The following INTS8 variants were observed in gnomAD, a reference collection of about 807,000 sequenced individuals.
The protein encoded by INTS8 is integrator complex subunit 8.
INTS8 carries 47 observed loss-of-function variants against 138.9 expected under a neutral mutation model. That is an observed-to-expected ratio of 0.34 (90% CI 0.27 to 0.43). INTS8 has a LOEUF of 0.43. Among genes scored for constraint, INTS8 ranks in the 20% least tolerant of loss-of-function variants. The pLI is 1.00. For missense variants in INTS8, 996 were observed against 1,173.0 expected, an observed-to-expected ratio of 0.85 and a Z score of 2.20; for synonymous variants, 392 against 400.9, an observed-to-expected ratio of 0.98 and a Z score of 0.27.
chr8:94,842,471 A>G lies in INTS8; in HGVS notation c.1243A>G (p.Ile415Val). 1 of 1,602,744 alleles carries G rather than the reference A, an allele frequency of 6.2e-7. No homozygotes were observed. Among genetic ancestry groups the G allele is most frequent in the East Asian group, 2.2e-5 (1 of 44,654 alleles). Reference protein sequence around the residue: ...QLFLRPNKEKIDFLLEVCSRS... With the variant: ...QLFLRPNKEKVDFLLEVCSRS... Reference sequence around the variant, plus strand: ...ATTTCTTAGACCAAATAAAGAGAAAATAGACTTTCTTCTTGAGGTATGACA... The same window carrying G: ...ATTTCTTAGACCAAATAAAGAGAAAGTAGACTTTCTTCTTGAGGTATGACA... The change falls in exon 10 of 27, where the codon ATA becomes GTA. Residue 415 changes from isoleucine to valine, a missense_variant. Transcript: ENST00000523731.
Position 94,853,931 on chromosome 8 carries a change from T to TG in INTS8, c.1752+16_1752+17insG. Reference sequence around the variant, plus strand: ...TACTGTTAAGGTGAGTAAAAGTGTGTATCAAACACTTGTTAAGAATATGCT... The same window carrying TG: ...TACTGTTAAGGTGAGTAAAAGTGTGTGATCAAACACTTGTTAAGAATATGCT... On this transcript the variant is annotated intron_variant, in intron 14 of 26. Transcript: ENST00000523731. 7 of 1,392,724 alleles carry TG rather than the reference T, an allele frequency of 5.0e-6. No homozygotes were observed. The highest frequency in any genetic ancestry group is 6.1e-6 in the Non-Finnish European group (6 of 978,682). 86.3% of individuals were successfully genotyped at this position (1,392,724 alleles called of 1,614,324 possible). A position where few individuals can be genotyped will look rare whatever the true frequency, so the allele number is the denominator to read the frequency against.
chr8:94,848,366 C>A (rs146206051), intron 10 of INTS8, among the ~76,000 whole-genome samples: 1 of 152,188 alleles, frequency 6.6e-6, no homozygotes, highest in East Asian at 1.9e-4. Flanking sequence ...ATACAGTTCA[C>A]GCATTTAAAG....
chr8:94,848,914 A>G lies in INTS8; in HGVS notation c.1261-548A>G, dbSNP rs1586494040. Among the ~76,000 whole-genome samples the G allele has an allele frequency of 2.0e-5, 3 of 152,226 alleles. No individual in the cohort carries two copies. In the East Asian group the frequency reaches 5.8e-4, roughly 29 times the overall value. Reference sequence around the variant, plus strand: ...TAATCTAATGAATAAATTCAACATAATATGAAAATATTATTTGTAGATAAC... The same window carrying G: ...TAATCTAATGAATAAATTCAACATAGTATGAAAATATTATTTGTAGATAAC... On this transcript the variant is annotated intron_variant, in intron 10 of 26. Transcript: ENST00000523731.
chr8:94,858,257 G>A (rs1360675872), intron 15 of INTS8, among the ~76,000 whole-genome samples: 1 of 152,202 alleles, frequency 6.6e-6, no homozygotes, highest in Non-Finnish European at 1.5e-5. Context: ...CAGAACAGAA[G>A]CAAGTGCTAC....
At chr8:94,854,947 T>C (rs967104073) in intron 14 of INTS8, among the ~76,000 whole-genome samples, 2 of 149,688 alleles carry the variant, frequency 1.3e-5, no homozygotes, top group Admixed American at 1.3e-4. Context: ...CATCTCCTTA[T>C]TTTGCCCAGG....
intron 13 of INTS8, among the ~76,000 whole-genome samples, chr8:94,852,118 T>C (rs1815568588): frequency 6.6e-6 from 1 of 152,086 alleles, no homozygotes. Context: ...AATTTATGTA[T>C]TTTTAGTAGA....
chr8:94,866,972 G>A, intron 18 of INTS8, 168 bp from the exon 19 acceptor site: 1 of 565,328 alleles, frequency 1.8e-6, no homozygotes, highest in South Asian at 2.8e-5. Context: ...GCCCCCACAT[G>A]CGATTAAAAA....
chr8:94,864,327 T>G (rs1816099065), intron 16 of INTS8, among the ~76,000 whole-genome samples: 1 of 152,154 alleles, frequency 6.6e-6, no homozygotes, highest in African/African-American at 2.4e-5. Context: ...CAGGGGTTCC[T>G]GATGGATTTG....
intron 26 of INTS8, among the ~76,000 whole-genome samples, chr8:94,879,617 A>C (rs550198015): frequency 1.2e-4 from 14 of 114,580 alleles, no homozygotes; most frequent in Admixed American, 4.7e-4. Context: ...AAAACAAACA[A>C]AAAAAAACCT....
At chr8:94,855,254 A>G (rs1188646824) in intron 14 of INTS8, among the ~76,000 whole-genome samples, 5 of 152,222 alleles carry the variant, frequency 3.3e-5, no homozygotes, top group Non-Finnish European at 7.3e-5. Flanking sequence ...AAAAAAGTTT[A>G]GTTGATTGAA....
intron 4 of INTS8, 48 bp downstream of exon 4, chr8:94,827,841 T>G (rs772684344): frequency 1.4e-6 from 2 of 1,437,052 alleles, no homozygotes; most frequent in South Asian, 2.3e-5. Flanking sequence ...TCATTGGAGT[T>G]TTAAAAATGT....
At chr8:94,878,719 C>T (rs910302292) in intron 26 of INTS8, among the ~76,000 whole-genome samples, 2 of 152,210 alleles carry the variant, frequency 1.3e-5, no homozygotes, top group Non-Finnish European at 2.9e-5. Context: ...TGAAGCTCTT[C>T]AAGCCAGCAA....
chr8:94,836,455 G>A, intron 6 of INTS8, 69 bp from the exon 7 acceptor site: 1 of 1,186,262 alleles, frequency 8.4e-7, no homozygotes, highest in South Asian at 1.3e-5. Flanking sequence ...GATAAAGACA[G>A]TTTTGGTTCT....
intron 1 of INTS8, among the ~76,000 whole-genome samples, chr8:94,824,159 T>G (rs781262174): frequency 6.6e-5 from 10 of 152,136 alleles, no homozygotes; most frequent in Non-Finnish European, 1.2e-4. Flanking sequence ...GTGTGATTGA[T>G]GGGGGAGGAG....
At chr8:94,872,161 T>C (rs529193460) in intron 21 of INTS8, among the ~76,000 whole-genome samples, 159 bp downstream of exon 21, 7 of 152,366 alleles carry the variant, frequency 4.6e-5, no homozygotes, top group East Asian at 1.9e-4. Flanking sequence ...TTTTTTTTAG[T>C]GTAGAGCCTT....
chr8:94,866,588 G>A (rs1456301562), intron 18 of INTS8: 1 of 180,428 alleles, frequency 5.5e-6, no homozygotes, highest in Non-Finnish European at 1.2e-5. Context: ...CCTGGCCTCT[G>A]GTTAAATTAT....
chr8:94,878,360 T>C (rs992314724), intron 26 of INTS8, among the ~76,000 whole-genome samples: 5 of 152,198 alleles, frequency 3.3e-5, no homozygotes, highest in Non-Finnish European at 1.5e-5. Context: ...GCTTGAGATA[T>C]ACCAGTGAAG....
At chr8:94,847,021 A>G (rs940078715) in intron 10 of INTS8, among the ~76,000 whole-genome samples, 1 of 152,112 alleles carries the variant, frequency 6.6e-6, no homozygotes, top group Admixed American at 6.6e-5. Flanking sequence ...ACATTCATGT[A>G]TGAGATTGAT....
chr8:94,878,456 G>A (rs575598683), intron 26 of INTS8, among the ~76,000 whole-genome samples: 61 of 152,122 alleles, frequency 4.0e-4, no homozygotes, highest in Middle Eastern at 3.4e-3. Context: ...TATTTCATTC[G>A]CTGCTTCCTG....
Sources: allele counts gnomAD v4.1 joint callset (sites outside exome capture counted in the v4.1 genomes callset), GRCh38; gene constraint gnomAD v4.1.1; transcripts MANE v1.5; gene names NCBI Gene and HGNC (gene_info 2026-07-23, HGNC 2026-07-21).